Variants in RASSF10 observed in about 807,000 individuals in gnomAD.
RASSF10 encodes Ras association domain family member 10.
A neutral mutation model predicts 41.5 loss-of-function variants in RASSF10; 22 were observed. The observed-to-expected ratio is 0.53, with a 90% CI of 0.38 to 0.76. The LOEUF (loss-of-function observed/expected upper bound fraction) is 0.76. Among genes scored for constraint, RASSF10 ranks in the 30% least tolerant of loss-of-function variants. The probability of loss-of-function intolerance (pLI) is 0.00; values close to 1 mark genes in which losing one functional copy is unlikely to be tolerated. For missense variants in RASSF10, 776 were observed against 711.8 expected, an observed-to-expected ratio of 1.09 and a Z score of -1.03; for synonymous variants, 364 against 319.0, an observed-to-expected ratio of 1.14 and a Z score of -1.50.
rs767749074 is a variant in RASSF10 at position 13,009,644 on chromosome 11, C to G, written c.68C>G (p.Ser23Cys). ...GAAGAGAAGCTGGTGTCCGGCCTCT[C>G]CCGCCGCACCACTTGCTCCGACGTT... ...CQEEKLVSGL[S>C]RRTTCSDVVR... The change falls in exon 1 of 1, where the codon TCC (serine) becomes TGC (cysteine). Residue 23 changes from serine (S) to cysteine (C), a missense_variant. Ser to Cys is a moderately radical substitution (Grantham distance 112, BLOSUM62 -1). Transcript: ENST00000529419. 16 of 1,607,068 alleles carry G rather than the reference C, an allele frequency of 1.0e-5. No homozygotes were observed. The highest frequency in any genetic ancestry group is 1.7e-4 in the Middle Eastern group (1 of 6,054).
rs777452033 is a variant in RASSF10 at position 13,009,772 on chromosome 11, G to A, written c.196G>A (p.Glu66Lys). ...GDPHGPGELPEPPNEDDEDDD... is the reference protein window; with the variant it reads ...GDPHGPGELPKPPNEDDEDDD... Reference sequence around the variant, plus strand: ...CCCGCATGGCCCGGGAGAGCTGCCCGAACCCCCGAACGAGGACGACGAGGA... The same window carrying A: ...CCCGCATGGCCCGGGAGAGCTGCCCAAACCCCCGAACGAGGACGACGAGGA... Residue 66 changes from glutamate to lysine, a missense_variant, in exon 1 of 1, where the codon GAA becomes AAA. Physicochemically the swap from Glu to Lys is moderately conservative, Grantham distance 56. Coordinates refer to ENST00000529419, the MANE Select transcript of RASSF10 (RefSeq NM_001080521.3). 3.7e-6 allele frequency: 6 copies of A among 1,601,952 alleles called. No individual in the cohort carries two copies. The Admixed American group carries it at 5.1e-5, about 14-fold the overall frequency.
Position 13,010,512 on chromosome 11 carries a change from C to T in RASSF10, c.936C>T (p.Gly312=), listed in dbSNP as rs745521610. ...CGGCGGCGGCGCCCCCTCTAGCCGG[C>T]GAGGCGCAGGCGGCGGCGCTGGAGG... ...EEAAAAPPLA[G]EAQAAALEEL... is the part of the protein sequence containing the mutation. The change falls in exon 1 of 1, where the codon GGC becomes GGT. Residue 312 remains glycine, a synonymous_variant. Transcript: ENST00000529419. The surrounding 1 kb of genome is among the most constrained non-coding windows in gnomAD (Gnocchi z 4.8). The T allele has an allele frequency of 5.3e-6, 8 of 1,515,194 alleles. No homozygotes were observed. Among genetic ancestry groups the T allele is most frequent in the African/African-American group, 1.4e-5 (1 of 71,774 alleles). 93.9% of individuals were successfully genotyped at this position (1,515,194 alleles called of 1,614,324 possible).
rs1234216937 is a variant in RASSF10 at position 13,010,328 on chromosome 11, G to T, written c.752G>T (p.Arg251Leu). The T allele has an allele frequency of 3.9e-6, 6 of 1,551,594 alleles. No individual in the cohort carries two copies. In the Admixed American group the frequency reaches 7.8e-5, roughly 20 times the overall value. The change falls in exon 1 of 1, where the codon CGC (arginine) becomes CTC (leucine). Residue 251 changes from arginine (R) to leucine (L), a missense_variant. By Grantham distance (102) the Arg-to-Leu change is moderately radical. Coordinates refer to ENST00000529419, the MANE Select transcript of RASSF10 (RefSeq NM_001080521.3). This position sits in a 1 kb window ranked among gnomAD's most constrained non-coding sequence, Gnocchi z 4.8. ...QQVQRLHELD[R>L]EIDHYEAKVH... ...GTGCAGCGGCTCCACGAGCTGGACC[G>T]CGAGATCGATCACTACGAGGCCAAG...
In RASSF10 at chr11:13,009,456, G is replaced by C. The variant is rs747864441; in HGVS notation, c.-121G>C. The C allele has an allele frequency of 1.1e-5, 16 of 1,509,076 alleles. No homozygotes were observed. The highest frequency in any genetic ancestry group is 4.3e-5 in the Admixed American group (2 of 46,392). The allele number at this position is 1,509,076 out of a possible 1,614,324, so 93.5% of individuals were successfully genotyped here. A position where few individuals can be genotyped will look rare whatever the true frequency, so the allele number is the denominator to read the frequency against. ...GGTGCGCAGCGGGGGAACAGGGCTA[G>C]TGCAGCCGCCGGAGGGGGGCACGGG... On this transcript the variant is annotated 5_prime_UTR_variant, in exon 1 of 1. Coordinates refer to ENST00000529419, the MANE Select transcript of RASSF10 (RefSeq NM_001080521.3).
In RASSF10 at chr11:13,010,050, C is replaced by A; in HGVS notation, c.474C>A (p.Arg158=). ...VLSRERPCPA[R]GAPARPSLAM... ...GCCGAGAGCGCCCCTGTCCGGCCCG[C>A]GGGGCCCCGGCGCGGCCCAGCCTGG... The change falls in exon 1 of 1, where the codon CGC becomes CGA. Residue 158 remains arginine, a synonymous_variant. Coordinates refer to ENST00000529419, the MANE Select transcript of RASSF10 (RefSeq NM_001080521.3). This position sits in a 1 kb window ranked among gnomAD's most constrained non-coding sequence, Gnocchi z 4.8. 6.5e-7 allele frequency: 1 copy of A among 1,545,036 alleles called. No individual in the cohort carries two copies. Among genetic ancestry groups the A allele is most frequent in the Non-Finnish European group, 8.7e-7 (1 of 1,143,788 alleles).
chr11:13,010,339 C>T lies in RASSF10; in HGVS notation c.763C>T (p.His255Tyr). ...CCACGAGCTGGACCGCGAGATCGAT[C>T]ACTACGAGGCCAAGGTGCACCTGGA... Reference protein sequence around the residue: ...RLHELDREIDHYEAKVHLDRM... With the variant: ...RLHELDREIDYYEAKVHLDRM... Residue 255 changes from histidine (H) to tyrosine (Y), a missense_variant, in exon 1 of 1, where the codon CAC becomes TAC. By Grantham distance (83) the His-to-Tyr change is moderately conservative. Coordinates refer to ENST00000529419, the MANE Select transcript of RASSF10 (RefSeq NM_001080521.3). This position sits in a 1 kb window ranked among gnomAD's most constrained non-coding sequence, Gnocchi z 4.8. 1 of 1,551,522 alleles carries T rather than the reference C, an allele frequency of 6.4e-7. No individual in the cohort carries two copies.
In RASSF10 at chr11:13,010,692, C is replaced by T. The variant is rs757284155; in HGVS notation, c.1116C>T (p.Pro372=). 3 of 1,591,684 alleles carry T rather than the reference C, an allele frequency of 1.9e-6. No homozygotes were observed. Among genetic ancestry groups the T allele is most frequent in the South Asian group, 1.1e-5 (1 of 87,908 alleles). Reference sequence around the variant, plus strand: ...AGGAGCTGGCGGCGCGGGAGGAGCCCCTGGAGCCCGACGGTGGCCCCGACG... The same window carrying T: ...AGGAGCTGGCGGCGCGGGAGGAGCCTCTGGAGCCCGACGGTGGCCCCGACG... The part of the protein sequence containing the change: ...RQEELAAREE[P]LEPDGGPDGE... Residue 372 remains proline (P), a synonymous_variant, in exon 1 of 1, where the codon CCC becomes CCT. Transcript: ENST00000529419. The surrounding 1 kb of genome is among the most constrained non-coding windows in gnomAD (Gnocchi z 4.8).
At position 13,010,290 on chromosome 11, in the gene RASSF10, A is replaced by G. The variant is rs748854251; in HGVS notation, c.714A>G (p.Thr238=). 6.4e-7 allele frequency: 1 copy of G among 1,555,536 alleles called. No individual in the cohort carries two copies. The highest frequency in any genetic ancestry group is 8.7e-7 in the Non-Finnish European group (1 of 1,149,728). Residue 238 remains threonine (T), a synonymous_variant, in exon 1 of 1, where the codon ACA becomes ACG. Coordinates refer to ENST00000529419, the MANE Select transcript of RASSF10 (RefSeq NM_001080521.3). The surrounding 1 kb of genome is among the most constrained non-coding windows in gnomAD (Gnocchi z 4.8). ...LVHLVLSQDH[T]IRQQVQRLHE... is the part of the protein sequence containing the mutation. Reference sequence around the variant, plus strand: ...ATCTGGTGCTTTCCCAGGACCACACAATTCGCCAGCAGGTGCAGCGGCTCC... The same window carrying G: ...ATCTGGTGCTTTCCCAGGACCACACGATTCGCCAGCAGGTGCAGCGGCTCC...
rs374969897 is a variant in RASSF10, at chr11:13,010,317, C to G, written c.741C>G (p.His247Gln). Residue 247 changes from histidine to glutamine, a missense_variant, in exon 1 of 1, where the codon CAC (histidine) becomes CAG (glutamine). Transcript: ENST00000529419. The surrounding 1 kb of genome is among the most constrained non-coding windows in gnomAD (Gnocchi z 4.8). ...TTCGCCAGCAGGTGCAGCGGCTCCA[C>G]GAGCTGGACCGCGAGATCGATCACT... is the stretch of plus-strand genomic sequence containing the variant. ...HTIRQQVQRL[H>Q]ELDREIDHYE... 42 of 1,551,722 alleles carry G rather than the reference C, an allele frequency of 2.7e-5. No homozygotes were observed. In the African/African-American group the frequency reaches 4.6e-4, roughly 17 times the overall value.
At position 13,010,767 on chromosome 11, in the gene RASSF10, C is replaced by T. The variant is rs576756011; in HGVS notation, c.1191C>T (p.Ser397=). 1 of 1,608,616 alleles carries T rather than the reference C, an allele frequency of 6.2e-7. No individual in the cohort carries two copies. The highest frequency in any genetic ancestry group is 1.7e-5 in the Admixed American group (1 of 59,200). Residue 397 remains serine, a synonymous_variant, in exon 1 of 1, where the codon AGC becomes AGT. Coordinates refer to ENST00000529419, the MANE Select transcript of RASSF10 (RefSeq NM_001080521.3). The surrounding 1 kb of genome is among the most constrained non-coding windows in gnomAD (Gnocchi z 4.8). ...QERVRTQLST[S]LYIGLRLNTD... ...GGGTCAGGACGCAGCTCAGTACCAG[C>T]CTTTACATTGGGCTGCGGCTCAACA...
In RASSF10 at chr11:13,010,554, C is replaced by T; in HGVS notation, c.978C>T (p.Cys326=). ...AAALEELARR[C]DDLLRLQEQR... is the part of the protein sequence containing the mutation. ...CGCTGGAGGAGCTGGCCCGGCGCTG[C>T]GACGACTTGCTGCGGCTTCAGGAGC... Residue 326 remains cysteine, a synonymous_variant, in exon 1 of 1, where the codon TGC becomes TGT. Transcript: ENST00000529419. The surrounding 1 kb of genome is among the most constrained non-coding windows in gnomAD (Gnocchi z 4.8). The T allele has an allele frequency of 1.3e-6, 2 of 1,541,496 alleles. No homozygotes were observed. The highest frequency in any genetic ancestry group is 1.8e-6 in the Non-Finnish European group (2 of 1,141,596).
At position 13,011,090 on chromosome 11, in the gene RASSF10, C is replaced by T. The variant is rs1949576159; in HGVS notation, c.1514C>T (p.Ser505Phe). The stretch of plus-strand genomic sequence containing the variant: ...TCGGACTCCTTGCCCATGTGCGAAT[C>T]CCTTGTGTAGGGGTGGGGGGCGGGG... ...QDSDSLPMCE[S>F]LV Residue 505 changes from serine to phenylalanine, a missense_variant, in exon 1 of 1, where the codon TCC becomes TTC. Physicochemically the swap from Ser to Phe is radical, Grantham distance 155. Coordinates refer to ENST00000529419, the MANE Select transcript of RASSF10 (RefSeq NM_001080521.3). 4 of 1,458,598 alleles carry T rather than the reference C, an allele frequency of 2.7e-6. No individual in the cohort carries two copies. In the South Asian group the frequency reaches 5.3e-5, roughly 19 times the overall value. 90.4% of individuals were successfully genotyped at this position (1,458,598 alleles called of 1,614,324 possible).
In RASSF10 at chr11:13,010,426, G is replaced by A; in HGVS notation, c.850G>A (p.Glu284Lys). The change falls in exon 1 of 1, where the codon GAG (glutamate) becomes AAG (lysine). Residue 284 changes from glutamate to lysine, a missense_variant. Physicochemically the swap from Glu to Lys is moderately conservative, Grantham distance 56. Transcript: ENST00000529419. This position sits in a 1 kb window ranked among gnomAD's most constrained non-coding sequence, Gnocchi z 4.8. ...QDTYLVGAGI[E>K]LDGSRPGEEP... The stretch of plus-strand genomic sequence containing the variant: ...CACTTACTTGGTTGGGGCAGGCATC[G>A]AGCTCGACGGGTCCAGACCGGGAGA... 6.5e-7 allele frequency: 1 copy of A among 1,545,984 alleles called. No individual in the cohort carries two copies. The highest frequency in any genetic ancestry group is 1.2e-5 in the South Asian group (1 of 83,668).
At position 13,010,511 on chromosome 11, in the gene RASSF10, G is replaced by A. The variant is rs1436672928; in HGVS notation, c.935G>A (p.Gly312Asp). ...EEAAAAPPLAGEAQAAALEEL... is the reference protein window; with the variant it reads ...EEAAAAPPLADEAQAAALEEL... ...GCGGCGGCGGCGCCCCCTCTAGCCG[G>A]CGAGGCGCAGGCGGCGGCGCTGGAG... is the stretch of plus-strand genomic sequence containing the variant. Residue 312 changes from glycine (G) to aspartate (D), a missense_variant, in exon 1 of 1, where the codon GGC (glycine) becomes GAC (aspartate). Coordinates refer to ENST00000529419, the MANE Select transcript of RASSF10 (RefSeq NM_001080521.3). The surrounding 1 kb of genome is among the most constrained non-coding windows in gnomAD (Gnocchi z 4.8). The A allele has an allele frequency of 7.9e-6, 12 of 1,515,598 alleles. No homozygotes were observed. Among genetic ancestry groups the A allele is most frequent in the Admixed American group, 2.2e-5 (1 of 46,184 alleles). The allele number at this position is 1,515,598 out of a possible 1,614,324, so 93.9% of individuals were successfully genotyped here.
In RASSF10 at chr11:13,010,897, C is replaced by T; in HGVS notation, c.1321C>T (p.Leu441=). 3 of 1,613,940 alleles carry T rather than the reference C, an allele frequency of 1.9e-6. No individual in the cohort carries two copies. Among genetic ancestry groups the T allele is most frequent in the Non-Finnish European group, 2.5e-6 (3 of 1,179,890 alleles). ...TCTGCAAACTTTGCACACTTTGGAG[C>T]TGACGGTGGCACCGGATGGGGCTCC... ...GLLQTLHTLE[L]TVAPDGAPGS... The change falls in exon 1 of 1, where the codon CTG becomes TTG. Residue 441 remains leucine, a synonymous_variant. Transcript: ENST00000529419. This position sits in a 1 kb window ranked among gnomAD's most constrained non-coding sequence, Gnocchi z 4.8.
chr11:13,009,989 CCGG>C lies in RASSF10; in HGVS notation c.415_417del (p.Gly139del). 1 of 1,546,760 alleles carries C rather than the reference CCGG, an allele frequency of 6.5e-7. No individual in the cohort carries two copies. Among genetic ancestry groups the C allele is most frequent in the Non-Finnish European group, 8.7e-7 (1 of 1,144,436 alleles). ...CGCAGCGAGGCATCGCTGCCTAACG[CCGG>C]CCCCCGCAGCGCCGAGGCGCGCGTA... On this transcript the variant is annotated inframe_deletion, in exon 1 of 1. Coordinates refer to ENST00000529419, the MANE Select transcript of RASSF10 (RefSeq NM_001080521.3).
rs1021788415 is a variant in RASSF10 at position 13,011,946 on chromosome 11, C to T, written c.*846C>T. ...TTAATTCGTATTGCCACTTCATTGA[C>T]TCAATCACTGTTATTTCAGAAAAAA... On this transcript the variant is annotated 3_prime_UTR_variant, in exon 1 of 1. Transcript: ENST00000529419. 2 of 152,198 alleles carry T rather than the reference C, an allele frequency of 1.3e-5. No individual in the cohort carries two copies. Among genetic ancestry groups the T allele is most frequent in the Admixed American group, 6.5e-5 (1 of 15,284 alleles). The allele number at this position is 152,198 out of a possible 1,614,324, so 9.4% of individuals were successfully genotyped here. A position where few individuals can be genotyped will look rare whatever the true frequency, so the allele number is the denominator to read the frequency against.
rs1345148363 is a variant in RASSF10, at chr11:13,011,037, G to A, written c.1461G>A (p.Thr487=). ...SGPGNDEDSD[T]GLSSMHSQDS... ...CTGGCAACGACGAAGACTCGGATAC[G>A]GGACTGAGCTCTATGCATAGCCAAG... The change falls in exon 1 of 1, where the codon ACG becomes ACA. Residue 487 remains threonine, a synonymous_variant. Transcript: ENST00000529419. 2 of 1,610,964 alleles carry A rather than the reference G, an allele frequency of 1.2e-6. No homozygotes were observed. Among genetic ancestry groups the A allele is most frequent in the Non-Finnish European group, 1.7e-6 (2 of 1,179,378 alleles).
Position 13,009,736 on chromosome 11 carries a change from T to C in RASSF10, c.160T>C (p.Ser54Pro). Residue 54 changes from serine (S) to proline (P), a missense_variant, in exon 1 of 1, where the codon TCG (serine) becomes CCG (proline). Physicochemically the swap from Ser to Pro is moderately conservative, Grantham distance 74. Coordinates refer to ENST00000529419, the MANE Select transcript of RASSF10 (RefSeq NM_001080521.3). The part of the protein sequence containing the change: ...RRQRRSRRLG[S>P]AGDPHGPGEL... Reference sequence around the variant, plus strand: ...ACAGCGGCGGAGCCGGCGGCTGGGGTCGGCCGGCGACCCGCATGGCCCGGG... The same window carrying C: ...ACAGCGGCGGAGCCGGCGGCTGGGGCCGGCCGGCGACCCGCATGGCCCGGG... The C allele has an allele frequency of 1.3e-6, 2 of 1,572,138 alleles. No individual in the cohort carries two copies. The highest frequency in any genetic ancestry group is 1.2e-5 in the South Asian group (1 of 86,452).
Sources: allele counts gnomAD v4.1 joint callset, GRCh38; gene constraint gnomAD v4.1.1; non-coding constraint Gnocchi (gnomAD v3.1); transcripts MANE v1.5; gene names NCBI Gene and HGNC (gene_info 2026-07-23, HGNC 2026-07-21).